GMPR: variants seen among roughly 807,000 people sequenced by gnomAD.
GMPR encodes guanosine monophosphate reductase, also known as GMP reductase 1.
A neutral mutation model predicts 38.4 loss-of-function variants in GMPR; 31 were observed. That is an observed-to-expected ratio of 0.81 (90% confidence interval 0.61 to 1.09). The LOEUF (loss-of-function observed/expected upper bound fraction) is 1.09, where lower values mean the gene tolerates loss of function less well. Ranked by LOEUF, GMPR falls within the 50% of genes least tolerant of loss-of-function variation. The pLI is 0.00. For synonymous variants in GMPR, 162 were observed against 173.3 expected, an observed-to-expected ratio of 0.93 and a Z score of 0.51; for missense variants, 468 against 453.7, an observed-to-expected ratio of 1.03 and a Z score of -0.29.
chr6:16,293,016 G>GTCTC lies in GMPR; in HGVS notation c.858-1970_858-1967dup, dbSNP rs58570071. On this transcript the variant is annotated intron_variant, in intron 8 of 8. Coordinates refer to ENST00000259727, the MANE Select transcript of GMPR (RefSeq NM_006877.4). ...CTGCACCTGTCTTACCTCTGTCTGAGTCTCTCTCTCTCTCTCTCTCTCTTA... is the reference window on the plus strand; with the variant it reads ...CTGCACCTGTCTTACCTCTGTCTGAGTCTCTCTCTCTCTCTCTCTCTCTCTCTTA... Among the ~76,000 whole-genome samples, 132 of 149,898 alleles carry GTCTC rather than the reference G, an allele frequency of 8.8e-4. 1 individual carries two copies. The highest frequency in any genetic ancestry group is 6.9e-3 in the East Asian group (35 of 5,056).
intron 3 of GMPR, among the ~76,000 whole-genome samples, chr6:16,252,824 C>G (rs1037207539): frequency 2.6e-5 from 4 of 152,110 alleles, no homozygotes; most frequent in African/African-American, 9.7e-5. Flanking sequence ...GAGCTGTGAA[C>G]CACGAGGCCC....
chr6:16,292,838 C>T (rs534843785), intron 8 of GMPR, among the ~76,000 whole-genome samples: 90 of 152,120 alleles, frequency 5.9e-4, no homozygotes, highest in Admixed American at 2.0e-3. Context: ...AAAACGTCTT[C>T]TGTAATTTCA....
At chr6:16,254,413 A>G in intron 3 of GMPR, 149 bp from the exon 4 acceptor site, 5 of 633,514 alleles carry the variant, frequency 7.9e-6, no homozygotes, top group Non-Finnish European at 1.4e-5. Context: ...CTGCTGTTGC[A>G]TGTGTCTTGA....
intron 7 of GMPR, among the ~76,000 whole-genome samples, chr6:16,288,391 G>A (rs936287041): frequency 1.3e-5 from 2 of 152,220 alleles, no homozygotes; most frequent in Non-Finnish European, 2.9e-5. Context: ...GAGAGGCTTA[G>A]CACCCGGGCC....
chr6:16,278,221 T>C (rs770877328), intron 5 of GMPR, among the ~76,000 whole-genome samples: 2 of 152,146 alleles, frequency 1.3e-5, no homozygotes, highest in South Asian at 2.1e-4. Flanking sequence ...GGTGTCGTGC[T>C]GCAGGCCAGG....
intron 4 of GMPR, chr6:16,262,948 G>C (rs955892054): frequency 6.6e-6 from 1 of 151,998 alleles, no homozygotes; most frequent in Non-Finnish European, 1.5e-5. Flanking sequence ...GAAACTGTAA[G>C]CCAGACTGTG....
At chr6:16,266,390 G>A (rs1168329854) in intron 4 of GMPR, among the ~76,000 whole-genome samples, 2 of 122,798 alleles carry the variant, frequency 1.6e-5, no homozygotes, top group East Asian at 2.5e-4. Context: ...CACGTCGGAC[G>A]TGCCACCTTT....
At chr6:16,289,885 T>G (rs936713704) in intron 7 of GMPR, 1 of 116,786 alleles carries the variant, frequency 8.6e-6, no homozygotes, top group African/African-American at 3.4e-5. Flanking sequence ...TTTTTTTTTT[T>G]GTGAGACGGA....
chr6:16,277,443 C>T (rs1759492267), intron 5 of GMPR, among the ~76,000 whole-genome samples: 1 of 152,206 alleles, frequency 6.6e-6, no homozygotes, highest in Admixed American at 6.5e-5. Context: ...GGGAGGAGTT[C>T]ACTTCCACCT....
chr6:16,274,945 A>G (rs771033472), intron 5 of GMPR, among the ~76,000 whole-genome samples: 7 of 152,298 alleles, frequency 4.6e-5, no homozygotes, highest in African/African-American at 7.2e-5. Flanking sequence ...AACTTGACCC[A>G]TGGCCTAGGT....
intron 1 of GMPR, among the ~76,000 whole-genome samples, chr6:16,244,357 C>T (rs1399673422): frequency 1.3e-5 from 2 of 151,886 alleles, no homozygotes; most frequent in Non-Finnish European, 2.9e-5. Context: ...GGACTACAGG[C>T]TCGCACCACC....
chr6:16,266,702 T>A (rs187573920), intron 4 of GMPR, among the ~76,000 whole-genome samples: 2 of 151,210 alleles, frequency 1.3e-5, no homozygotes, highest in Admixed American at 1.3e-4. Flanking sequence ...TCCCAGCTAC[T>A]CGGGAGGCTG....
intron 7 of GMPR, chr6:16,289,821 G>C (rs1338053189): frequency 7.2e-6 from 1 of 138,196 alleles, no homozygotes; most frequent in African/African-American, 2.8e-5. Flanking sequence ...ACAAGATTAG[G>C]TAACTTGCTT....
At chr6:16,285,025 A>G (rs78131658) in intron 6 of GMPR, among the ~76,000 whole-genome samples, 2 of 138,558 alleles carry the variant, frequency 1.4e-5, no homozygotes, top group Non-Finnish European at 3.0e-5. Context: ...CTCAAAAAAA[A>G]AAAAAAACAA....
intron 2 of GMPR, 114 bp from the exon 3 acceptor site, chr6:16,250,170 A>G: frequency 2.8e-6 from 2 of 718,960 alleles, no homozygotes; most frequent in Non-Finnish European, 5.2e-6. Context: ...CAAATTAAGC[A>G]TGGATGGCAG....
At chr6:16,283,014 C>T (rs937696199) in intron 6 of GMPR, among the ~76,000 whole-genome samples, 6 of 151,794 alleles carry the variant, frequency 4.0e-5, no homozygotes, top group African/African-American at 1.2e-4. Flanking sequence ...TCACCATGTT[C>T]GCCAGGCTGG....
intron 7 of GMPR, among the ~76,000 whole-genome samples, chr6:16,287,228 T>G (rs1229303138): frequency 6.6e-6 from 1 of 152,182 alleles, no homozygotes; most frequent in East Asian, 1.9e-4. Flanking sequence ...ACTTACCCTT[T>G]ATTGTAAGGA....
intron 2 of GMPR, among the ~76,000 whole-genome samples, chr6:16,248,232 C>CAAAAAAA (rs774386979): frequency 2.2e-5 from 1 of 45,148 alleles, no homozygotes; most frequent in African/African-American, 9.1e-5. Flanking sequence ...GACCCTGTCT[C>CAAAAAAA]AAAAAAAAAA....
chr6:16,268,803 G>A (rs1362894571), intron 4 of GMPR, among the ~76,000 whole-genome samples: 1 of 151,912 alleles, frequency 6.6e-6, no homozygotes, highest in African/African-American at 2.4e-5. Flanking sequence ...GGTGATGGTT[G>A]TACAACAGTG....
Sources: allele counts gnomAD v4.1 joint callset (sites outside exome capture counted in the v4.1 genomes callset), GRCh38; gene constraint gnomAD v4.1.1; transcripts MANE v1.5; gene names NCBI Gene and HGNC (gene_info 2026-07-23, HGNC 2026-07-21).